The following BCAP29 variants were observed in gnomAD, a reference collection of about 807,000 sequenced individuals.
The protein encoded by BCAP29 is B-cell receptor-associated protein 29.
Under a neutral mutation model 31.8 loss-of-function variants are expected in BCAP29, and 34 were observed. That is an observed-to-expected ratio of 1.07 (90% CI 0.81 to 1.42). BCAP29 has a LOEUF of 1.42. Among genes scored for constraint, BCAP29 ranks in the 40% most tolerant of loss-of-function variants. BCAP29 has a pLI of 0.00. For synonymous variants in BCAP29, 104 were observed against 91.3 expected (o/e 1.14, Z -0.79); for missense variants, 314 against 269.2 (o/e 1.17, Z -1.16).
In BCAP29 at chr7:107,600,515, T is replaced by C. The variant is rs1326723999; in HGVS notation, c.589+10T>C. ...AGGAAGACTTCAGATGGTAACTTTG[T>C]GTACATGTGAAAAAGTAAAAAGACT... is the stretch of plus-strand genomic sequence containing the variant. On this transcript the variant is annotated intron_variant, in intron 6 of 7. Coordinates refer to ENST00000005259, the MANE Select transcript of BCAP29 (RefSeq NM_018844.4). The C allele has an allele frequency of 1.3e-6, 2 of 1,506,488 alleles. No individual in the cohort carries two copies. Among genetic ancestry groups the C allele is most frequent in the Non-Finnish European group, 1.8e-6 (2 of 1,089,918 alleles). 93.3% of individuals were successfully genotyped at this position (1,506,488 alleles called of 1,614,324 possible). A position where few individuals can be genotyped will look rare whatever the true frequency, so the allele number is the denominator to read the frequency against.
chr7:107,601,450 C>T (rs1046399471), intron 6 of BCAP29, among the ~76,000 whole-genome samples: 1 of 152,060 alleles, frequency 6.6e-6, no homozygotes, highest in Non-Finnish European at 1.5e-5. Context: ...TCTTTAGTCA[C>T]GTTCCTCCTT....
intron 1 of BCAP29, 99 bp downstream of exon 1, chr7:107,580,400 ACCCGGCCCGG>A (rs545841350): frequency 7.6e-5 from 17 of 224,738 alleles, no homozygotes; most frequent in African/African-American, 2.9e-4. Context: ...GCCTGGCCCG[ACCCGGCCCGG>A]CCCGGTCCGC....
At chr7:107,600,587 A>G in intron 6 of BCAP29, 82 bp downstream of exon 6, 1 of 719,980 alleles carries the variant, frequency 1.4e-6, no homozygotes, top group Non-Finnish European at 2.3e-6. Context: ...CCTAAAACAA[A>G]ACTAATGCCT....
In BCAP29 at chr7:107,594,025, T is replaced by C; in HGVS notation, c.264T>C (p.Asp88=). The C allele has an allele frequency of 6.2e-7, 1 of 1,613,692 alleles. No homozygotes were observed. Among genetic ancestry groups the C allele is most frequent in the African/African-American group, 1.3e-5 (1 of 75,048 alleles). Residue 88 remains aspartate, a synonymous_variant, in exon 4 of 8, where the codon GAT becomes GAC. Coordinates refer to ENST00000005259, the MANE Select transcript of BCAP29 (RefSeq NM_018844.4). ...AGAAGAGCTCCACCAGCAGACCTGA[T>C]GCCTATGAACACACACAGATGAAAC... The part of the protein sequence containing the change: ...TIEKSSTSRP[D]AYEHTQMKLF...
Position 107,593,980 on chromosome 7 carries a change from T to C in BCAP29, c.219T>C (p.Tyr73=), listed in dbSNP as rs1239784982. ...FLDAVREVRK[Y]SSVHTIEKSS... ...ATGCTGTGAGAGAAGTAAGGAAATA[T>C]TCCTCAGTTCATACCATTGAGAAGA... Residue 73 remains tyrosine, a synonymous_variant, in exon 4 of 8, where the codon TAT becomes TAC. Transcript: ENST00000005259. 1 of 1,611,564 alleles carries C rather than the reference T, an allele frequency of 6.2e-7. No individual in the cohort carries two copies.
chr7:107,618,778 A>G lies in BCAP29; in HGVS notation c.*415A>G, dbSNP rs545515158. ...ATCAGATGATGATGTGTTTGAAAAT[A>G]GTGTTCAATATCAGCAAATTTGTAC... On this transcript the variant is annotated 3_prime_UTR_variant, in exon 8 of 8. Transcript: ENST00000005259. 4.1e-6 allele frequency: 2 copies of G among 491,868 alleles called. No homozygotes were observed. The highest frequency in any genetic ancestry group is 6.5e-5 in the East Asian group (2 of 30,950). 30.5% of individuals were successfully genotyped at this position (491,868 alleles called of 1,614,324 possible).
chr7:107,614,297 A>T (rs911107635), intron 7 of BCAP29, among the ~76,000 whole-genome samples: 2 of 152,198 alleles, frequency 1.3e-5, no homozygotes. Flanking sequence ...GCAAGCATAC[A>T]CTATACTCAT....
intron 1 of BCAP29, 111 bp downstream of exon 1, chr7:107,580,412 C>T (rs145411968): frequency 0.046 from 11,048 of 241,056 alleles, 300 homozygotes; most frequent in Non-Finnish European, 0.057. Flanking sequence ...CCGGCCCGGC[C>T]CGGTCCGCGG....
Position 107,619,023 on chromosome 7 carries a change from C to T in BCAP29, c.*660C>T, listed in dbSNP as rs1814663995. On this transcript the variant is annotated 3_prime_UTR_variant, in exon 8 of 8. Coordinates refer to ENST00000005259, the MANE Select transcript of BCAP29 (RefSeq NM_018844.4). Reference sequence around the variant, plus strand: ...TAATAACACATAATTAGTAACCACTCTACTGTTTCAAGTTAATCTAGTAAT... The same window carrying T: ...TAATAACACATAATTAGTAACCACTTTACTGTTTCAAGTTAATCTAGTAAT... The T allele has an allele frequency of 6.5e-6, 1 of 153,884 alleles. No homozygotes were observed. Among genetic ancestry groups the T allele is most frequent in the South Asian group, 2.0e-4 (1 of 4,944 alleles). The allele number at this position is 153,884 out of a possible 1,614,324, so 9.5% of individuals were successfully genotyped here. A position where few individuals can be genotyped will look rare whatever the true frequency, so the allele number is the denominator to read the frequency against.
chr7:107,614,518 C>T (rs1367191908), intron 7 of BCAP29, among the ~76,000 whole-genome samples: 2 of 152,190 alleles, frequency 1.3e-5, no homozygotes, highest in African/African-American at 4.8e-5. Context: ...ACAGTAAACA[C>T]TCAAGAAATG....
At position 107,607,452 on chromosome 7, in the gene BCAP29, A is replaced by G. The variant is rs762654692; in HGVS notation, c.590-5880A>G. ...ACGAGGACTTAGACCTCTTTATCTC[A>G]CCCAGTTTCCCTCCTGGCTCCTCAT... On this transcript the variant is annotated intron_variant, in intron 6 of 7. Coordinates refer to ENST00000005259, the MANE Select transcript of BCAP29 (RefSeq NM_018844.4). Among the ~76,000 whole-genome samples, 39 of 152,028 alleles carry G rather than the reference A, an allele frequency of 2.6e-4. 1 individual carries two copies. The highest frequency in any genetic ancestry group is 3.4e-3 in the Middle Eastern group (1 of 292).
Position 107,580,629 on chromosome 7 carries a change from C to T in BCAP29, c.-14-130C>T, listed in dbSNP as rs910166418. ...CCTTTTCCCCTTCCTGACCGGGGTC[C>T]GTGCTTGCCTTCCCAGGTGGGGGAA... On this transcript the variant is annotated intron_variant, in intron 1 of 7. Transcript: ENST00000005259. 9 of 622,074 alleles carry T rather than the reference C, an allele frequency of 1.4e-5. No individual in the cohort carries two copies. In the Admixed American group the frequency reaches 2.7e-4, roughly 19 times the overall value. 38.5% of individuals were successfully genotyped at this position (622,074 alleles called of 1,614,324 possible).
chr7:107,604,717 G>T (rs1585174723), intron 6 of BCAP29, among the ~76,000 whole-genome samples: 3 of 144,110 alleles, frequency 2.1e-5, no homozygotes, highest in Admixed American at 6.9e-5. Context: ...GCCTTTTAAT[G>T]CACTTTTGTG....
chr7:107,622,480 A>G (rs916589545), downstream of BCAP29: 1 of 152,860 alleles, frequency 6.5e-6, no homozygotes, highest in African/African-American at 2.4e-5. Flanking sequence ...GAACAAGCCA[A>G]ATTCTTTCCC....
At chr7:107,602,924 GA>G (rs1811408791) in intron 6 of BCAP29, among the ~76,000 whole-genome samples, 1 of 149,978 alleles carries the variant, frequency 6.7e-6, no homozygotes, top group Non-Finnish European at 1.5e-5. Flanking sequence ...TCTCTTCCAG[GA>G]AAACTACTTA....
At chr7:107,597,299 CT>C (rs1393749799) in intron 5 of BCAP29, among the ~76,000 whole-genome samples, 1 of 152,034 alleles carries the variant, frequency 6.6e-6, no homozygotes, top group African/African-American at 2.4e-5. Context: ...TGATCTCAAA[CT>C]TTTGGCCTCA....
intron 6 of BCAP29, among the ~76,000 whole-genome samples, chr7:107,601,946 T>G (rs981383899): frequency 5.3e-5 from 8 of 152,204 alleles, no homozygotes; most frequent in African/African-American, 1.4e-4. Context: ...CCTTTCACCT[T>G]TCAAAAATTC....
In BCAP29 at chr7:107,613,492, A is replaced by T. The variant is rs1813598228; in HGVS notation, c.690+60A>T. The T allele has an allele frequency of 2.1e-6, 3 of 1,406,708 alleles. No homozygotes were observed. The Admixed American group carries it at 5.5e-5, about 26-fold the overall frequency. The allele number at this position is 1,406,708 out of a possible 1,614,324, so 87.1% of individuals were successfully genotyped here. A position where few individuals can be genotyped will look rare whatever the true frequency, so the allele number is the denominator to read the frequency against. On this transcript the variant is annotated intron_variant, in intron 7 of 7. Coordinates refer to ENST00000005259, the MANE Select transcript of BCAP29 (RefSeq NM_018844.4). ...TTTGAAATAGTAATTACCTAAGTAAATTATTTGGGTTATTTGTCCTTAACT... is the reference window on the plus strand; with the variant it reads ...TTTGAAATAGTAATTACCTAAGTAATTTATTTGGGTTATTTGTCCTTAACT...
intron 6 of BCAP29, among the ~76,000 whole-genome samples, chr7:107,611,648 T>C (rs1813147733): frequency 6.6e-6 from 1 of 152,322 alleles, no homozygotes; most frequent in African/African-American, 2.4e-5. Flanking sequence ...TATAACTCTT[T>C]ATGTTGTGAA....
Sources: gnomAD v4.1 joint callset for allele counts (sites outside exome capture counted in the v4.1 genomes callset) on GRCh38, gnomAD v4.1.1 for gene constraint, MANE v1.5 for transcripts, NCBI Gene and HGNC (gene_info 2026-07-23, HGNC 2026-07-21) for gene names.